ZNF69: variants seen among roughly 807,000 people sequenced by gnomAD.
The protein encoded by ZNF69 is zinc finger protein 69.
In ZNF69, 47 loss-of-function variants were observed where a neutral mutation model predicts 50.9. The ratio of observed to expected loss-of-function variants is 0.92; its 90% CI spans 0.73 to 1.18. The LOEUF is 1.18. Among genes scored for constraint, ZNF69 ranks in the 50% most tolerant of loss-of-function variants. The pLI is 0.00. For missense variants in ZNF69, 717 were observed against 675.1 expected (o/e 1.06, Z -0.69); for synonymous variants, 216 against 223.1 (o/e 0.97, Z 0.29).
chr19:11,905,621 GATTC>G lies in ZNF69; in HGVS notation c.1226_1229del (p.Ile409ThrfsTer47). On this transcript the variant is annotated frameshift_variant, in exon 4 of 4. Transcript: ENST00000429654. LOFTEE classifies it high-confidence loss of function. ...CCAGTTCCCTTCGTTATCATGAAAG[GATTC>G]ACACTGGAGAGAAACCCTATGAGTG... 6.2e-7 allele frequency: 1 copy of G among 1,613,750 alleles called. No homozygotes were observed. The highest frequency in any genetic ancestry group is 8.5e-7 in the Non-Finnish European group (1 of 1,179,938).
the ZNF69 span, among the ~76,000 whole-genome samples, chr19:11,969,499 T>A: frequency 6.6e-6 from 1 of 152,230 alleles, no homozygotes; most frequent in Admixed American, 6.5e-5. Flanking sequence ...AGCATAAATT[T>A]CATTTCCCTA....
intron 1 of ZNF69, among the ~76,000 whole-genome samples, chr19:11,891,725 C>G (rs1019710272): frequency 1.3e-5 from 2 of 152,106 alleles, no homozygotes; most frequent in African/African-American, 4.8e-5. Context: ...GACATCAGGA[C>G]ATTCTGTTGT....
rs1194829353 is a variant in ZNF69 at position 11,906,084 on chromosome 19, G to C, written c.1687G>C (p.Glu563Gln). The C allele has an allele frequency of 6.2e-7, 1 of 1,611,308 alleles. No individual in the cohort carries two copies. Among genetic ancestry groups the C allele is most frequent in the South Asian group, 1.1e-5 (1 of 90,836 alleles). The part of the protein sequence containing the change: ...GRTHPEDKPY[E>Q]CKQ ...GACTCACCCTGAAGATAAACCCTAT[G>C]AGTGTAAGCAATGAGGGAAAGCCTT... is the stretch of plus-strand genomic sequence containing the variant. The change falls in exon 4 of 4, where the codon GAG becomes CAG. Residue 563 changes from glutamate to glutamine, a missense_variant. Transcript: ENST00000429654.
chr19:11,920,424 T>C, the ZNF69 span, among the ~76,000 whole-genome samples: 6 of 152,158 alleles, frequency 3.9e-5, no homozygotes, highest in Non-Finnish European at 7.3e-5. Flanking sequence ...GTTTTATGTA[T>C]ATAAATATGT....
the ZNF69 span, among the ~76,000 whole-genome samples, chr19:11,921,749 T>C: frequency 7.9e-5 from 12 of 152,192 alleles, no homozygotes; most frequent in African/African-American, 2.9e-4. Flanking sequence ...GTGATCCACC[T>C]GCCTCGACCT....
At chr19:11,891,389 AG>A (rs373794210) in intron 1 of ZNF69, among the ~76,000 whole-genome samples, 1 of 146,902 alleles carries the variant, frequency 6.8e-6, no homozygotes, top group Admixed American at 6.8e-5. Flanking sequence ...AAAAAAAAAA[AG>A]AAAAGAAAGA....
intron 1 of ZNF69, among the ~76,000 whole-genome samples, chr19:11,888,221 A>G (rs114742725): frequency 0.026 from 3,972 of 152,248 alleles, 60 homozygotes; most frequent in Non-Finnish European, 0.041. Context: ...AGAGCCCTCT[A>G]TGGGCAGCTC....
At chr19:11,945,888 C>T in the ZNF69 span, among the ~76,000 whole-genome samples, 1 of 152,020 alleles carries the variant, frequency 6.6e-6, no homozygotes, top group Non-Finnish European at 1.5e-5. Flanking sequence ...CTTCATGTAC[C>T]CCTATAGTAC....
At chr19:11,950,821 T>C in the ZNF69 span, 2 of 173,572 alleles carry the variant, frequency 1.2e-5, no homozygotes, top group Non-Finnish European at 2.5e-5. Flanking sequence ...AGTATTACCA[T>C]GTGGATAAAA....
chr19:11,900,870 GT>G (rs1171615029), intron 1 of ZNF69, among the ~76,000 whole-genome samples: 1 of 152,092 alleles, frequency 6.6e-6, no homozygotes. Flanking sequence ...CATGCTTTTT[GT>G]GTTGTGTGTG....
the ZNF69 span, among the ~76,000 whole-genome samples, chr19:11,931,551 T>A: frequency 6.7e-6 from 1 of 148,444 alleles, no homozygotes; most frequent in Non-Finnish European, 1.5e-5. Flanking sequence ...GGATCTTGTC[T>A]ATTTTTAGTC....
At chr19:11,938,674 C>T in the ZNF69 span, among the ~76,000 whole-genome samples, 129 of 152,186 alleles carry the variant, frequency 8.5e-4, no homozygotes, top group African/African-American at 2.8e-3. Flanking sequence ...TGAATGGTGC[C>T]GCAATAAACA....
intron 1 of ZNF69, among the ~76,000 whole-genome samples, chr19:11,903,147 A>G (rs1213235198): frequency 6.6e-6 from 1 of 151,964 alleles, no homozygotes; most frequent in African/African-American, 2.4e-5. Flanking sequence ...AAAAAAAACA[A>G]CTGCTGGCCA....
At chr19:11,947,223 G>A in the ZNF69 span, 1 of 1,614,068 alleles carries the variant, frequency 6.2e-7, no homozygotes, top group South Asian at 1.1e-5. Flanking sequence ...CTTCACCCAG[G>A]AAGAGTGGAC....
downstream of ZNF69, among the ~76,000 whole-genome samples, chr19:11,909,203 C>A (rs1054382271): frequency 6.6e-6 from 1 of 152,128 alleles, no homozygotes; most frequent in Admixed American, 6.5e-5. Flanking sequence ...CAAAAAAAGT[C>A]AAGGACCAGA....
rs1258432774 is a variant in ZNF69 at position 11,904,969 on chromosome 19, C to T, written c.572C>T (p.Pro191Leu). The T allele has an allele frequency of 2.5e-6, 4 of 1,614,028 alleles. No homozygotes were observed. Among genetic ancestry groups the T allele is most frequent in the Non-Finnish European group, 3.4e-6 (4 of 1,180,024 alleles). Residue 191 changes from proline to leucine, a missense_variant, in exon 4 of 4, where the codon CCC becomes CTC. Coordinates refer to ENST00000429654, the MANE Select transcript of ZNF69 (RefSeq NM_001364730.1). ...CAAAGGGATCACACTGGAGAGAAAC[C>T]CTATGCTTGTAAAGAATGTGGAAAA... ...TPQRDHTGEK[P>L]YACKECGKTF...
chr19:11,935,005 G>A, the ZNF69 span, among the ~76,000 whole-genome samples: 4 of 145,750 alleles, frequency 2.7e-5, no homozygotes, highest in Admixed American at 1.3e-4. Context: ...GTGAAACCCC[G>A]TCTCTACTAA....
At chr19:11,926,155 G>T in the ZNF69 span, among the ~76,000 whole-genome samples, 1 of 152,196 alleles carries the variant, frequency 6.6e-6, no homozygotes, top group Non-Finnish European at 1.5e-5. Flanking sequence ...TAGATTTTAT[G>T]AATTCTGAGG....
chr19:11,960,046 T>C, the ZNF69 span, among the ~76,000 whole-genome samples: 1 of 151,860 alleles, frequency 6.6e-6, no homozygotes, highest in East Asian at 1.9e-4. Flanking sequence ...TTCTTTTTTT[T>C]TTTTTTAGAC....
Sources: allele counts gnomAD v4.1 joint callset (sites outside exome capture counted in the v4.1 genomes callset), GRCh38; gene constraint gnomAD v4.1.1; transcripts MANE v1.5; gene names NCBI Gene and HGNC (gene_info 2026-07-23, HGNC 2026-07-21).